ASB2: variants seen among roughly 807,000 people sequenced by gnomAD.
ASB2 encodes ankyrin repeat and SOCS box containing 2.
Under a neutral mutation model 62.4 loss-of-function variants are expected in ASB2, and 58 were observed. That is an observed-to-expected ratio of 0.93 (90% CI 0.75 to 1.16). The LOEUF (loss-of-function observed/expected upper bound fraction) is 1.16, where lower values mean the gene tolerates loss of function less well. Ranked by LOEUF, ASB2 falls within the 50% of genes most tolerant of loss-of-function variation. ASB2 has a pLI of 0.00. For synonymous variants in ASB2, 386 were observed against 385.3 expected, an observed-to-expected ratio of 1.00 and a Z score of -0.02; for missense variants, 928 against 887.9, an observed-to-expected ratio of 1.05 and a Z score of -0.57.
chr14:93,958,479 CTG>C (rs1214408132), intron 2 of ASB2, among the ~76,000 whole-genome samples: 1 of 152,236 alleles, frequency 6.6e-6, no homozygotes, highest in Non-Finnish European at 1.5e-5. Context: ...GACCTCCACA[CTG>C]ACTGTCCCTG....
At chr14:93,946,873 G>A (rs760473466) in intron 7 of ASB2, among the ~76,000 whole-genome samples, 2 of 152,118 alleles carry the variant, frequency 1.3e-5, no homozygotes, top group Non-Finnish European at 2.9e-5. Context: ...TTGCATTCCT[G>A]TACTCCCGGA....
chr14:93,945,470 C>G (rs1888690342), intron 7 of ASB2, among the ~76,000 whole-genome samples: 1 of 152,196 alleles, frequency 6.6e-6, no homozygotes. Flanking sequence ...CTGCTAGGTG[C>G]TTTTTTCCAT....
chr14:93,957,381 G>T, intron 2 of ASB2: 1 of 1,017,856 alleles, frequency 9.8e-7, no homozygotes, highest in Non-Finnish European at 1.2e-6. Context: ...GCTCATTAGG[G>T]GATCTTGTCC....
At chr14:93,953,023 G>A (rs1275512492) in intron 5 of ASB2, among the ~76,000 whole-genome samples, 1 of 152,074 alleles carries the variant, frequency 6.6e-6, no homozygotes, top group Non-Finnish European at 1.5e-5. Flanking sequence ...CCTCCTCTGG[G>A]TGCCCCTCCC....
intron 1 of ASB2, among the ~76,000 whole-genome samples, chr14:93,967,090 C>T (rs1325395546): frequency 6.6e-6 from 1 of 152,254 alleles, no homozygotes; most frequent in Non-Finnish European, 1.5e-5. Flanking sequence ...GAGCGCCTCT[C>T]TTCCTCTCTT....
At chr14:93,956,685 G>A in intron 3 of ASB2, 81 bp downstream of exon 3, 2 of 1,568,358 alleles carry the variant, frequency 1.3e-6, no homozygotes, top group East Asian at 2.2e-5. Context: ...TGGGGGCTGT[G>A]GGCCTGCTTC....
chr14:93,938,812 T>A (rs886150789), intron 8 of ASB2, among the ~76,000 whole-genome samples: 1 of 152,184 alleles, frequency 6.6e-6, no homozygotes, highest in Non-Finnish European at 1.5e-5. Flanking sequence ...TTCTGCGGCC[T>A]CTTAAGTGTG....
At chr14:93,969,941 C>G (rs765905251) in intron 1 of ASB2, 2 of 152,274 alleles carry the variant, frequency 1.3e-5, no homozygotes, top group Admixed American at 6.5e-5. Context: ...ACAGCCGGCT[C>G]TCTTCTAAGT....
rs1188898380 is a variant in ASB2 at position 93,939,339 on chromosome 14, G to T, written c.1386C>A (p.Asp462Glu). The change falls in exon 8 of 10, where the codon GAC (aspartate) becomes GAA (glutamate). Residue 462 changes from aspartate to glutamate, a missense_variant. Asp to Glu is a conservative substitution (Grantham distance 45, BLOSUM62 2). Transcript: ENST00000555019. ...TATAGGCGTCGATGTTCGCGCCGTG[G>T]TCCAGCAGCAGCTGCATTGTGCGCA... is the stretch of plus-strand genomic sequence containing the variant. ...GCLRTMQLLL[D>E]HGANIDAYIA... The T allele has an allele frequency of 1.9e-6, 3 of 1,611,818 alleles. No individual in the cohort carries two copies. The highest frequency in any genetic ancestry group is 2.5e-6 in the Non-Finnish European group (3 of 1,178,954).
In ASB2 at chr14:93,934,707, C is replaced by T; in HGVS notation, c.1857G>A (p.Leu619=). Residue 619 remains leucine, a synonymous_variant, in exon 10 of 10, where the codon TTG becomes TTA. Coordinates refer to ENST00000555019, the MANE Select transcript of ASB2 (RefSeq NM_001202429.2). ...ATCTAATCAGCCTGCCTGGGAGCGGCAAGGTGTCTAGGAGTTTTATACGGT... is the reference window on the plus strand; with the variant it reads ...ATCTAATCAGCCTGCCTGGGAGCGGTAAGGTGTCTAGGAGTTTTATACGGT... ...GKYRIKLLDT[L]PLPGRLIRYL... 1 of 1,614,138 alleles carries T rather than the reference C, an allele frequency of 6.2e-7. No individual in the cohort carries two copies. Among genetic ancestry groups the T allele is most frequent in the Non-Finnish European group, 8.5e-7 (1 of 1,179,988 alleles).
rs1236743001 is a variant in ASB2 at position 93,934,799 on chromosome 14, A to G, written c.1772-7T>C. On this transcript the variant is annotated splice_polypyrimidine_tract_variant and splice_region_variant and intron_variant, in intron 9 of 9. Coordinates refer to ENST00000555019, the MANE Select transcript of ASB2 (RefSeq NM_001202429.2). Reference sequence around the variant, plus strand: ...GCCAGAGGTCTTGGAGGTTCTGAAAAAAGGAGGGAAAGACAGAGGCTGATT... The same window carrying G: ...GCCAGAGGTCTTGGAGGTTCTGAAAGAAGGAGGGAAAGACAGAGGCTGATT... The G allele has an allele frequency of 1.2e-6, 2 of 1,611,376 alleles. No homozygotes were observed. Among genetic ancestry groups the G allele is most frequent in the East Asian group, 2.2e-5 (1 of 44,880 alleles).
In ASB2 at chr14:93,934,704, C is replaced by T. The variant is rs370537668; in HGVS notation, c.1860G>A (p.Pro620=). The change falls in exon 10 of 10, where the codon CCG becomes CCA. Residue 620 remains proline (P), a synonymous_variant. Transcript: ENST00000555019. ...GGTATCTAATCAGCCTGCCTGGGAG[C>T]GGCAAGGTGTCTAGGAGTTTTATAC... ...KYRIKLLDTL[P]LPGRLIRYLK... is the part of the protein sequence containing the mutation. 46 of 1,613,926 alleles carry T rather than the reference C, an allele frequency of 2.9e-5. No homozygotes were observed. In the Middle Eastern group the frequency reaches 4.9e-4, roughly 17 times the overall value.
rs4277287 is a variant in ASB2, at chr14:93,951,195, A to G, written c.684T>C (p.Asn228=). The G allele has an allele frequency of 0.83, 1,344,043 of 1,612,824 alleles. 562,282 individuals are homozygous for G. The highest frequency in any genetic ancestry group is 0.9 in the Middle Eastern group (5,428 of 6,048). Residue 228 remains asparagine, a synonymous_variant, in exon 6 of 10, where the codon AAT becomes AAC. Coordinates refer to ENST00000555019, the MANE Select transcript of ASB2 (RefSeq NM_001202429.2). ...AEAVKILVQH[N]ADTNHRCNRG... ...GGTTGCAGCGGTGGTTGGTGTCTGC[A>G]TTGTGCTGCACCAGAATCTTCACGG... is the stretch of plus-strand genomic sequence containing the variant.
chr14:93,956,620 G>T, intron 3 of ASB2, 146 bp downstream of exon 3: 2 of 1,083,424 alleles, frequency 1.8e-6, no homozygotes, highest in Non-Finnish European at 2.7e-6. Context: ...CCCCAGGGGG[G>T]CACCCCTAGA....
At chr14:93,942,472 G>A (rs1385207658) in intron 7 of ASB2, among the ~76,000 whole-genome samples, 1 of 152,170 alleles carries the variant, frequency 6.6e-6, no homozygotes, top group Non-Finnish European at 1.5e-5. Flanking sequence ...ACCTCATTCC[G>A]AATCACTGGG....
intron 7 of ASB2, among the ~76,000 whole-genome samples, chr14:93,945,161 A>G (rs1248132386): frequency 6.6e-6 from 1 of 152,242 alleles, no homozygotes; most frequent in African/African-American, 2.4e-5. Context: ...AAAATAGCCC[A>G]GAGGGACATG....
intron 7 of ASB2, chr14:93,942,249 G>T: frequency 2.2e-6 from 1 of 456,098 alleles, no homozygotes; most frequent in South Asian, 1.5e-5. Flanking sequence ...ACCTCATGAA[G>T]AGGAACAAAG....
At chr14:93,970,387 C>A (rs976967752) in intron 1 of ASB2, among the ~76,000 whole-genome samples, 1 of 152,162 alleles carries the variant, frequency 6.6e-6, no homozygotes, top group African/African-American at 2.4e-5. Flanking sequence ...CTACCCTGCC[C>A]TGAAGGTGCC....
At position 93,954,500 on chromosome 14, in the gene ASB2, T is replaced by C. The variant is rs1008011595; in HGVS notation, c.312-17A>G. ...TCCGCAGGCCTGTGAGAGGAAGGAG[T>C]GGGTCAGTCCTCAAGGTCAGGCCAA... On this transcript the variant is annotated splice_polypyrimidine_tract_variant and intron_variant, in intron 3 of 9. Transcript: ENST00000555019. 8 of 1,613,176 alleles carry C rather than the reference T, an allele frequency of 5.0e-6. No homozygotes were observed. Among genetic ancestry groups the C allele is most frequent in the East Asian group, 2.2e-5 (1 of 44,866 alleles).
Sources: allele counts gnomAD v4.1 joint callset (sites outside exome capture counted in the v4.1 genomes callset), GRCh38; gene constraint gnomAD v4.1.1; transcripts MANE v1.5; gene names NCBI Gene and HGNC (gene_info 2026-07-23, HGNC 2026-07-21).